Variants in OLA1 observed in about 807,000 individuals in gnomAD.
The protein encoded by OLA1 is Obg like ATPase 1.
In OLA1, 14 loss-of-function variants were observed where a neutral mutation model predicts 48.4. The observed-to-expected ratio is 0.29, with a 90% CI of 0.19 to 0.45. The LOEUF is 0.45. OLA1 is among the 20% of genes least tolerant of loss of function. The pLI is 1.00. For missense variants in OLA1, 325 were observed against 467.1 expected (o/e 0.70, Z 2.80); for synonymous variants, 127 against 150.4 (o/e 0.84, Z 1.14).
At position 174,099,920 on chromosome 2, in the gene OLA1, C is replaced by T. The variant is rs1685353026; in HGVS notation, c.729-17856G>A. Among the ~76,000 whole-genome samples the T allele has an allele frequency of 2.6e-5, 4 of 152,146 alleles. No individual in the cohort carries two copies. In the South Asian group the frequency reaches 8.3e-4, roughly 31 times the overall value. Reference sequence around the variant, plus strand: ...CTAACAGTTATTAAATGCATCTTATCTTTCCATTGTAATCAAAGAAATAAA... The same window carrying T: ...CTAACAGTTATTAAATGCATCTTATTTTTCCATTGTAATCAAAGAAATAAA... On this transcript the variant is annotated intron_variant, in intron 7 of 10. Transcript: ENST00000284719.
chr2:174,205,012 A>G (rs1688076328), intron 4 of OLA1, among the ~76,000 whole-genome samples: 1 of 152,300 alleles, frequency 6.6e-6, no homozygotes, highest in African/African-American at 2.4e-5. Context: ...TTACAGCACC[A>G]TAAGTATATA....
chr2:174,183,245 C>T (rs546393939), intron 4 of OLA1, among the ~76,000 whole-genome samples: 7 of 152,280 alleles, frequency 4.6e-5, no homozygotes, highest in African/African-American at 1.7e-4. Flanking sequence ...CCGAAGTTAG[C>T]AGAAAGTAGG....
chr2:174,168,309 A>G (rs1341022152), intron 4 of OLA1, among the ~76,000 whole-genome samples: 1 of 152,184 alleles, frequency 6.6e-6, no homozygotes, highest in Non-Finnish European at 1.5e-5. Context: ...CCAGCTAATG[A>G]CAAACTGAAG....
intron 5 of OLA1, among the ~76,000 whole-genome samples, chr2:174,127,014 C>T (rs1686060759): frequency 6.6e-6 from 1 of 152,168 alleles, no homozygotes; most frequent in South Asian, 2.1e-4. Flanking sequence ...GAAACTTAAC[C>T]CAAACTCACC....
At chr2:174,219,927 T>G (rs1287406712) in intron 4 of OLA1, among the ~76,000 whole-genome samples, 1 of 151,878 alleles carries the variant, frequency 6.6e-6, no homozygotes. Flanking sequence ...AGGTGAGGAG[T>G]TCAGGACCAG....
chr2:174,206,805 C>T (rs1688125515), intron 4 of OLA1, among the ~76,000 whole-genome samples: 1 of 152,074 alleles, frequency 6.6e-6, no homozygotes, highest in Non-Finnish European at 1.5e-5. Context: ...TTACTTAACC[C>T]ATTGAATTTG....
chr2:174,206,213 C>T (rs370095530), intron 4 of OLA1, among the ~76,000 whole-genome samples: 5 of 152,182 alleles, frequency 3.3e-5, no homozygotes, highest in African/African-American at 1.2e-4. Flanking sequence ...ATAATGACAG[C>T]ATTCTGACAA....
chr2:174,142,054 T>C (rs1342549396), intron 4 of OLA1, 54 bp from the exon 5 acceptor site: 2 of 1,451,228 alleles, frequency 1.4e-6, no homozygotes, highest in Non-Finnish European at 1.9e-6. Flanking sequence ...AGCGTGTTCA[T>C]TATGATAGAG....
intron 2 of OLA1, among the ~76,000 whole-genome samples, chr2:174,246,136 C>T (rs1486282854): frequency 6.6e-6 from 1 of 151,466 alleles, no homozygotes; most frequent in East Asian, 1.9e-4. Context: ...CCCGTCTCTA[C>T]TAAAAATACA....
At chr2:174,186,204 T>G (rs1460562199) in intron 4 of OLA1, among the ~76,000 whole-genome samples, 1 of 152,198 alleles carries the variant, frequency 6.6e-6, no homozygotes, top group Non-Finnish European at 1.5e-5. Context: ...TTCACAATAA[T>G]AATTCCAACA....
chr2:174,095,459 G>C (rs2105349052), intron 7 of OLA1, among the ~76,000 whole-genome samples: 1 of 148,534 alleles, frequency 6.7e-6, no homozygotes, highest in South Asian at 2.1e-4. Context: ...ATCTTTTCAT[G>C]CTTGTTGGCC....
chr2:174,240,326 G>C (rs1688967567), intron 2 of OLA1: 1 of 152,098 alleles, frequency 6.6e-6, no homozygotes, highest in African/African-American at 2.4e-5. Context: ...TGCTGACACT[G>C]GATCACCACT....
Position 174,072,675 on chromosome 2 carries a change from G to T in OLA1, c.*2751C>A, listed in dbSNP as rs935594254. ...GACTCTCTGAATGAAAGGAGACGGG[G>T]TTTACAAAGGAGCTTTGGAAATATT... On this transcript the variant is annotated 3_prime_UTR_variant, in exon 11 of 11. Transcript: ENST00000284719. The T allele has an allele frequency of 1.3e-5, 2 of 152,176 alleles. No homozygotes were observed. Among genetic ancestry groups the T allele is most frequent in the South Asian group, 4.1e-4 (2 of 4,826 alleles). 9.4% of individuals were successfully genotyped at this position (152,176 alleles called of 1,614,324 possible).
chr2:174,210,043 T>C (rs1688206953), intron 4 of OLA1, among the ~76,000 whole-genome samples: 2 of 152,062 alleles, frequency 1.3e-5, no homozygotes, highest in Non-Finnish European at 2.9e-5. Flanking sequence ...AATTAAATCA[T>C]CAAGGAAGTA....
At chr2:174,182,791 T>C (rs539621212) in intron 4 of OLA1, among the ~76,000 whole-genome samples, 1 of 152,338 alleles carries the variant, frequency 6.6e-6, no homozygotes, top group Admixed American at 6.5e-5. Flanking sequence ...GCTATGTCTT[T>C]TTATCCTGTT....
chr2:174,185,653 C>A (rs1386111360), intron 4 of OLA1, among the ~76,000 whole-genome samples: 2 of 152,144 alleles, frequency 1.3e-5, no homozygotes, highest in African/African-American at 4.8e-5. Flanking sequence ...TCAGGCCGGG[C>A]ACGGTGGCTC....
chr2:174,230,807 C>T (rs1338333129), intron 2 of OLA1, among the ~76,000 whole-genome samples: 2 of 152,178 alleles, frequency 1.3e-5, no homozygotes, highest in African/African-American at 4.8e-5. Context: ...AGCAGTCCAA[C>T]AATCCCAACC....
chr2:174,162,583 G>A (rs559390143), intron 4 of OLA1, among the ~76,000 whole-genome samples: 2 of 152,252 alleles, frequency 1.3e-5, no homozygotes, highest in East Asian at 1.9e-4. Context: ...TTTTATTTGT[G>A]TGTATTTTCA....
chr2:174,130,804 T>C (rs971656547), intron 5 of OLA1, among the ~76,000 whole-genome samples: 2 of 152,148 alleles, frequency 1.3e-5, no homozygotes, highest in Non-Finnish European at 2.9e-5. Flanking sequence ...TTGTCATACT[T>C]AGTAGAATGC....
Sources: allele counts gnomAD v4.1 joint callset (sites outside exome capture counted in the v4.1 genomes callset), GRCh38; gene constraint gnomAD v4.1.1; transcripts MANE v1.5; gene names NCBI Gene and HGNC (gene_info 2026-07-23, HGNC 2026-07-21).